OSBPL7: variants seen among roughly 807,000 people sequenced by gnomAD.
OSBPL7 encodes the protein oxysterol binding protein like 7.
In OSBPL7, 66 loss-of-function variants were observed where a neutral mutation model predicts 115.8. The observed-to-expected ratio is 0.57, with a 90% confidence interval of 0.47 to 0.70. The LOEUF is 0.70. Ranked by LOEUF, OSBPL7 falls within the 30% of genes least tolerant of loss-of-function variation. The probability of loss-of-function intolerance (pLI) is 0.00; values close to 1 mark genes in which losing one functional copy is unlikely to be tolerated. For synonymous variants in OSBPL7, 441 were observed against 439.2 expected (o/e 1.00, Z -0.05); for missense variants, 902 against 1,125.5 (o/e 0.80, Z 2.84).
chr17:47,818,470 C>T (rs1447669383), intron 6 of OSBPL7, 36 bp downstream of exon 6: 1 of 1,586,472 alleles, frequency 6.3e-7, no homozygotes, highest in Non-Finnish European at 8.6e-7. Flanking sequence ...CCCTGAATTG[C>T]CACATTACCT....
In OSBPL7 at chr17:47,819,102, G is replaced by A. The variant is rs1303059923; in HGVS notation, c.256-3C>T. ...CCATGGAGCTTCCCCTTGGTGATCTGGGGGTGAAGTGTTGGTAGAGGGAGA... is the reference window on the plus strand; with the variant it reads ...CCATGGAGCTTCCCCTTGGTGATCTAGGGGTGAAGTGTTGGTAGAGGGAGA... On this transcript the variant is annotated splice_region_variant and splice_polypyrimidine_tract_variant and intron_variant, in intron 4 of 22. Transcript: ENST00000007414. The A allele has an allele frequency of 1.2e-6, 2 of 1,612,672 alleles. No homozygotes were observed. The highest frequency in any genetic ancestry group is 1.7e-6 in the Non-Finnish European group (2 of 1,178,754).
chr17:47,808,278 C>T lies in OSBPL7; in HGVS notation c.*13G>A, dbSNP rs760477982. 58 of 1,594,854 alleles carry T rather than the reference C, an allele frequency of 3.6e-5. No individual in the cohort carries two copies. The highest frequency in any genetic ancestry group is 5.0e-5 in the Non-Finnish European group (58 of 1,164,086). On this transcript the variant is annotated 3_prime_UTR_variant, in exon 23 of 23. Coordinates refer to ENST00000007414, the MANE Select transcript of OSBPL7 (RefSeq NM_145798.3). This position sits in a 1 kb window ranked among gnomAD's most constrained non-coding sequence, Gnocchi z 6.1. ...GAGTGAGGAACCAGAGCCTCCTGCC[C>T]CCGGGGCCAGGGCTACCAGAGCACG...
At position 47,813,841 on chromosome 17, in the gene OSBPL7, C is replaced by A. The variant is rs931602488; in HGVS notation, c.1352-7G>T. 7 of 1,602,006 alleles carry A rather than the reference C, an allele frequency of 4.4e-6. No individual in the cohort carries two copies. Among genetic ancestry groups the A allele is most frequent in the South Asian group, 1.1e-5 (1 of 90,220 alleles). On this transcript the variant is annotated splice_region_variant and splice_polypyrimidine_tract_variant and intron_variant, in intron 14 of 22. Transcript: ENST00000007414. Reference sequence around the variant, plus strand: ...CTCCCTGGAACACACCCCCCTGGGGCCGCCCTGCCATGTCACTCTCCATCT... The same window carrying A: ...CTCCCTGGAACACACCCCCCTGGGGACGCCCTGCCATGTCACTCTCCATCT...
chr17:47,810,825 T>C lies in OSBPL7; in HGVS notation c.1748A>G (p.His583Arg). 6.2e-7 allele frequency: 1 copy of C among 1,613,090 alleles called. No individual in the cohort carries two copies. ...FRFISEQVSH[H>R]PPISACHAES... ...TGCATGGCAGGCCGAGATAGGGGGG[T>C]GGTGGGAGACCTTGGTGAGCAAAGA... The change falls in exon 17 of 23, where the codon CAC becomes CGC. Residue 583 changes from histidine (H) to arginine (R), a missense_variant. Around this residue, in one of 3 missense-constraint regions of OSBPL7, gnomAD observed 667 missense variants for 788.7 expected, o/e 0.85. Transcript: ENST00000007414.
At chr17:47,814,795 C>T (rs1366546804) in intron 13 of OSBPL7, 181 bp from the exon 14 acceptor site, 1 of 619,440 alleles carries the variant, frequency 1.6e-6, no homozygotes, top group Non-Finnish European at 2.8e-6. Context: ...GGAGTGTGCC[C>T]AGCCACCTTG....
At chr17:47,819,909 G>A in intron 3 of OSBPL7, 62 bp downstream of exon 3, 1 of 1,590,038 alleles carries the variant, frequency 6.3e-7, no homozygotes, top group African/African-American at 1.3e-5. Context: ...CTGCCCAGCA[G>A]CTGCCCCCCA....
At chr17:47,819,136 G>A in intron 4 of OSBPL7, 37 bp from the exon 5 acceptor site, 1 of 1,565,076 alleles carries the variant, frequency 6.4e-7, no homozygotes, top group Non-Finnish European at 8.8e-7. Context: ...GAGGGGACCT[G>A]TTTTAGGCTC....
intron 18 of OSBPL7, 137 bp from the exon 19 acceptor site, chr17:47,809,615 A>G: frequency 1.1e-6 from 1 of 943,632 alleles, no homozygotes; most frequent in Non-Finnish European, 1.6e-6. Context: ...TCTGCAGTGA[A>G]GGATGACTTA....
At chr17:47,811,694 A>G (rs899741833) in intron 16 of OSBPL7, among the ~76,000 whole-genome samples, 20 of 152,180 alleles carry the variant, frequency 1.3e-4, no homozygotes, top group Non-Finnish European at 2.6e-4. Context: ...GAAGTGGGTC[A>G]GGGGGGCGAT....
rs1360993334 is a variant in OSBPL7 at position 47,813,477 on chromosome 17, G to A, written c.1600-74C>T. ...CCAAGCAAGCAAAGTATGGGATCTT[G>A]GGGTGGAACTTCAGCAATAAGGAAC... On this transcript the variant is annotated intron_variant, in intron 15 of 22. Coordinates refer to ENST00000007414, the MANE Select transcript of OSBPL7 (RefSeq NM_145798.3). The A allele has an allele frequency of 1.9e-6, 3 of 1,601,496 alleles. No homozygotes were observed. The African/African-American group carries it at 4.0e-5, about 21-fold the overall frequency.
At position 47,810,644 on chromosome 17, in the gene OSBPL7, G is replaced by A; in HGVS notation, c.1830C>T (p.Gly610=). The stretch of plus-strand genomic sequence containing the variant: ...CCACAGGCACAATCTCCAGGGATTT[G>A]CCCCAGAACTTGTTCTTCCACTTCA... ...QDMKWKNKFW[G]KSLEIVPVGT... The change falls in exon 18 of 23, where the codon GGC becomes GGT. Residue 610 remains glycine (G), a synonymous_variant. Transcript: ENST00000007414. 7 of 1,614,188 alleles carry A rather than the reference G, an allele frequency of 4.3e-6. No individual in the cohort carries two copies. The highest frequency in any genetic ancestry group is 5.9e-6 in the Non-Finnish European group (7 of 1,180,024).
In OSBPL7 at chr17:47,818,646, A is replaced by G. The variant is rs554456239; in HGVS notation, c.370-30T>C. 5.5e-4 allele frequency: 866 copies of G among 1,576,072 alleles called. 10 individuals carry two copies. In the South Asian group the frequency reaches 9.1e-3, roughly 17 times the overall value. ...AGAAGTGATGGAGAGGGGGAGGGCT[A>G]TCTGAAGAGAGGGACCACTTTCCAA... On this transcript the variant is annotated intron_variant, in intron 5 of 22. Coordinates refer to ENST00000007414, the MANE Select transcript of OSBPL7 (RefSeq NM_145798.3).
rs533675235 is a variant in OSBPL7 at position 47,812,614 on chromosome 17, G to A, written c.1737+652C>T. Among the ~76,000 whole-genome samples, 6 of 152,336 alleles carry A rather than the reference G, an allele frequency of 3.9e-5. No homozygotes were observed. The East Asian group carries it at 7.7e-4, about 20-fold the overall frequency. ...CCCCATCCCCTACACGGGAGAGTAC[G>A]CTGCTGAGGACCAGCCCCTGTCCGG... On this transcript the variant is annotated intron_variant, in intron 16 of 22. Transcript: ENST00000007414.
chr17:47,811,123 G>A (rs571977330), intron 16 of OSBPL7, among the ~76,000 whole-genome samples: 3 of 152,210 alleles, frequency 2.0e-5, no homozygotes, highest in African/African-American at 7.2e-5. Context: ...CCCCGCAACA[G>A]TGATGGGTGG....
intron 16 of OSBPL7, 105 bp from the exon 17 acceptor site, chr17:47,810,940 T>C: frequency 8.6e-7 from 1 of 1,165,788 alleles, no homozygotes; most frequent in Non-Finnish European, 1.2e-6. Context: ...ACAAGACCAG[T>C]TGGTTCCAGG....
At position 47,817,367 on chromosome 17, in the gene OSBPL7, G is replaced by C. The variant is rs1390140500; in HGVS notation, c.599-8C>G. On this transcript the variant is annotated splice_polypyrimidine_tract_variant and splice_region_variant and intron_variant, in intron 7 of 22. Transcript: ENST00000007414. Reference sequence around the variant, plus strand: ...CCTGACACTCAGAGAGCTCTGCGGGGAAAAAGAACAAGAACAAGAACACCA... The same window carrying C: ...CCTGACACTCAGAGAGCTCTGCGGGCAAAAAGAACAAGAACAAGAACACCA... 6.6e-7 allele frequency: 1 copy of C among 1,523,404 alleles called. No individual in the cohort carries two copies. Among genetic ancestry groups the C allele is most frequent in the Non-Finnish European group, 9.0e-7 (1 of 1,111,482 alleles). 94.4% of individuals were successfully genotyped at this position (1,523,404 alleles called of 1,614,324 possible).
chr17:47,810,936 C>T (rs1227269274), intron 16 of OSBPL7, 101 bp from the exon 17 acceptor site: 1 of 1,158,820 alleles, frequency 8.6e-7, no homozygotes, highest in Non-Finnish European at 1.2e-6. Context: ...TACCACAAGA[C>T]CAGTTGGTTC....
Position 47,816,296 on chromosome 17 carries a change from C to A in OSBPL7, c.1023+92G>T. On this transcript the variant is annotated intron_variant, in intron 11 of 22. Coordinates refer to ENST00000007414, the MANE Select transcript of OSBPL7 (RefSeq NM_145798.3). The surrounding 1 kb of genome is among the most constrained non-coding windows in gnomAD (Gnocchi z 5.8). ...AGAGACTGCCTCTGCCAACCCCCCA[C>A]CCTGACCCAGATCTGCTATCGGACC... The A allele has an allele frequency of 4.0e-6, 6 of 1,493,398 alleles. No individual in the cohort carries two copies. The highest frequency in any genetic ancestry group is 5.4e-6 in the Non-Finnish European group (6 of 1,110,370). 92.5% of individuals were successfully genotyped at this position (1,493,398 alleles called of 1,614,324 possible). A position where few individuals can be genotyped will look rare whatever the true frequency, so the allele number is the denominator to read the frequency against.
intron 18 of OSBPL7, among the ~76,000 whole-genome samples, chr17:47,810,313 A>C (rs2033000116): frequency 6.6e-6 from 1 of 152,074 alleles, no homozygotes; most frequent in Non-Finnish European, 1.5e-5. Context: ...GGCATTTCTG[A>C]CTGTGAGACT....
Sources: allele counts gnomAD v4.1 joint callset (sites outside exome capture counted in the v4.1 genomes callset), GRCh38; gene constraint gnomAD v4.1.1; regional missense constraint gnomAD v4.1.1; non-coding constraint Gnocchi (gnomAD v3.1); transcripts MANE v1.5; gene names NCBI Gene and HGNC (gene_info 2026-07-23, HGNC 2026-07-21).